The following MRPS10 variants were observed in gnomAD, a reference collection of about 807,000 sequenced individuals.
MRPS10 encodes the protein small ribosomal subunit protein uS10m.
In MRPS10, 23 loss-of-function variants were observed where a neutral mutation model predicts 27.5. That is an observed-to-expected ratio of 0.84 (90% CI 0.60 to 1.18). The LOEUF (loss-of-function observed/expected upper bound fraction) is 1.18, where lower values mean the gene tolerates loss of function less well. Among genes scored for constraint, MRPS10 ranks in the 50% most tolerant of loss-of-function variants. The pLI is 0.00. For missense variants in MRPS10, 237 were observed against 240.1 expected (o/e 0.99, Z 0.09); for synonymous variants, 88 against 84.2 (o/e 1.04, Z -0.25).
chr6:42,217,683 G>A (rs1768980547), intron 1 of MRPS10, 119 bp downstream of exon 1: 2 of 999,532 alleles, frequency 2.0e-6, no homozygotes, highest in Non-Finnish European at 3.0e-6. Flanking sequence ...TCCTGTAAAC[G>A]GCGCGAGGTG....
rs1768650411 is a variant in MRPS10, at chr6:42,207,857, T to C, written c.*432A>G. ...ATATGCCAGCCTGCACAAAGGTAAATAGCAAAAACTTTAACTGCTCAATCT... is the reference window on the plus strand; with the variant it reads ...ATATGCCAGCCTGCACAAAGGTAAACAGCAAAAACTTTAACTGCTCAATCT... On this transcript the variant is annotated 3_prime_UTR_variant, in exon 7 of 7. Coordinates refer to ENST00000053468, the MANE Select transcript of MRPS10 (RefSeq NM_018141.4). 1 of 178,650 alleles carries C rather than the reference T, an allele frequency of 5.6e-6. No homozygotes were observed. Among genetic ancestry groups the C allele is most frequent in the Non-Finnish European group, 1.2e-5 (1 of 86,678 alleles). The allele number at this position is 178,650 out of a possible 1,614,324, so 11.1% of individuals were successfully genotyped here.
At position 42,210,570 on chromosome 6, in the gene MRPS10, C is replaced by T. The variant is rs752286039; in HGVS notation, c.350G>A (p.Arg117Gln). The T allele has an allele frequency of 2.4e-5, 36 of 1,506,462 alleles. No homozygotes were observed. The highest frequency in any genetic ancestry group is 2.3e-4 in the East Asian group (10 of 42,704). The allele number at this position is 1,506,462 out of a possible 1,614,324, so 93.3% of individuals were successfully genotyped here. A position where few individuals can be genotyped will look rare whatever the true frequency, so the allele number is the denominator to read the frequency against. ...ATGCACTGATTGGAGAAGAGTAAAT[C>T]GCTCTATTTTCCTTGGAGGTTCATG... ...KVHEPPRKIE[R>Q]FTLLQSVHIY... Residue 117 changes from arginine (R) to glutamine (Q), a missense_variant, in exon 5 of 7, where the codon CGA becomes CAA. By Grantham distance (43) the Arg-to-Gln change is conservative. This residue lies in a region of MRPS10 where 11 missense variants were observed against 34.2 expected (regional missense o/e 0.32). Transcript: ENST00000053468.
At chr6:42,208,795 A>T in intron 6 of MRPS10, 63 bp downstream of exon 6, 1 of 1,169,726 alleles carries the variant, frequency 8.5e-7, no homozygotes, top group Non-Finnish European at 1.2e-6. Flanking sequence ...CAATGTATCA[A>T]AACAACAATA....
In MRPS10 at chr6:42,210,659, T is replaced by C. The variant is rs1768749468; in HGVS notation, c.324-63A>G. 1.9e-6 allele frequency: 3 copies of C among 1,576,038 alleles called. No individual in the cohort carries two copies. In the African/African-American group the frequency reaches 4.1e-5, roughly 21 times the overall value. On this transcript the variant is annotated intron_variant, in intron 4 of 6. Transcript: ENST00000053468. ...GATAACAAAGCATAATTCCATAATT[T>C]TGTAGGTCAGACTCACACTCAATTA...
At chr6:42,217,224 A>C (rs13201126) in intron 1 of MRPS10, among the ~76,000 whole-genome samples, 8,901 of 152,302 alleles carry the variant, frequency 0.058, 354 homozygotes, top group Admixed American at 0.11. Flanking sequence ...TATAGATAGC[A>C]AAAACCCACA....
At chr6:42,214,435 T>C (rs1768865104) in intron 1 of MRPS10, 91 bp from the exon 2 acceptor site, 1 of 1,008,516 alleles carries the variant, frequency 9.9e-7, no homozygotes, top group African/African-American at 1.6e-5. Context: ...GGTTACCTCA[T>C]TATTTCAGAC....
chr6:42,211,649 G>C (rs4714582), intron 4 of MRPS10, 132 bp downstream of exon 4: 482,135 of 792,990 alleles, frequency 0.61, 153,708 homozygotes, highest in East Asian at 0.83. Context: ...ACTCCAGCCT[G>C]GGCAACAGAG....
chr6:42,214,330 A>C lies in MRPS10; in HGVS notation c.63T>G (p.Phe21Leu). The change falls in exon 2 of 7, where the codon TTT becomes TTG. Residue 21 changes from phenylalanine (F) to leucine (L), a missense_variant. Coordinates refer to ENST00000053468, the MANE Select transcript of MRPS10 (RefSeq NM_018141.4). ...CRRLWQGLGNFSVNTSKGNTA... is the reference protein window; with the variant it reads ...CRRLWQGLGNLSVNTSKGNTA... ...TATTGCCCTTAGAAGTGTTTACAGA[A>C]AAATTCCCCAATCCCTAAAGAAAAA... 6.2e-7 allele frequency: 1 copy of C among 1,610,260 alleles called. No individual in the cohort carries two copies. The highest frequency in any genetic ancestry group is 8.5e-7 in the Non-Finnish European group (1 of 1,177,598).
At chr6:42,217,366 T>C (rs9471808) in intron 1 of MRPS10, among the ~76,000 whole-genome samples, 48,407 of 151,996 alleles carry the variant, frequency 0.32, 10,082 homozygotes, top group African/African-American at 0.6. Flanking sequence ...CTAACCCACT[T>C]CTCTGGCTTG....
At chr6:42,211,644 A>C in intron 4 of MRPS10, 137 bp downstream of exon 4, 38 of 785,764 alleles carry the variant, frequency 4.8e-5, no homozygotes, top group Non-Finnish European at 5.8e-5. Flanking sequence ...ACTGTACTCC[A>C]GCCTGGGCAA....
chr6:42,211,759 G>A, intron 4 of MRPS10, 22 bp downstream of exon 4: 1 of 1,608,038 alleles, frequency 6.2e-7, no homozygotes, highest in Non-Finnish European at 8.5e-7. Context: ...GAACAGGTCG[G>A]GTCAGGAAAG....
rs139604808 is a variant in MRPS10 at position 42,208,056 on chromosome 6, T to C, written c.*233A>G. On this transcript the variant is annotated 3_prime_UTR_variant, in exon 7 of 7. Coordinates refer to ENST00000053468, the MANE Select transcript of MRPS10 (RefSeq NM_018141.4). ...TCACTCTTTCTGCTTTCAGTCAAAG[T>C]GGTTTGCTCATGTTTGCTGAAATCA... 5.9e-6 allele frequency: 3 copies of C among 508,342 alleles called. No individual in the cohort carries two copies. The highest frequency in any genetic ancestry group is 3.7e-5 in the East Asian group (1 of 27,302). The allele number at this position is 508,342 out of a possible 1,614,324, so 31.5% of individuals were successfully genotyped here.
chr6:42,214,683 T>C (rs544850324), intron 1 of MRPS10, among the ~76,000 whole-genome samples: 5 of 152,374 alleles, frequency 3.3e-5, no homozygotes, highest in African/African-American at 1.2e-4. Context: ...AAATTAATTG[T>C]ACTTCAGTAT....
At position 42,208,940 on chromosome 6, in the gene MRPS10, TG is replaced by T; in HGVS notation, c.439del (p.His147IlefsTer2). ...GACATCTGCTGTGCTTCCAGTTAGA[TG>T]TTCTAACTAAAACATCAAACATGAA... ...RTLYRCLELE[H>X]LTGSTADVYL... On this transcript the variant is annotated frameshift_variant, in exon 6 of 7. Coordinates refer to ENST00000053468, the MANE Select transcript of MRPS10 (RefSeq NM_018141.4). LOFTEE classifies it high-confidence loss of function. The T allele has an allele frequency of 6.2e-7, 1 of 1,600,848 alleles. No individual in the cohort carries two copies. The highest frequency in any genetic ancestry group is 1.3e-5 in the African/African-American group (1 of 74,330).
In MRPS10 at chr6:42,207,014, A is replaced by G. The variant is rs1245794320; in HGVS notation, c.*1275T>C. On this transcript the variant is annotated 3_prime_UTR_variant, in exon 7 of 7. Coordinates refer to ENST00000053468, the MANE Select transcript of MRPS10 (RefSeq NM_018141.4). The stretch of plus-strand genomic sequence containing the variant: ...CAAAAGACATGGACCTGCTTCTACT[A>G]TAAAAAGAAAATGAAGCACTTCTCT... The G allele has an allele frequency of 5.3e-5, 8 of 152,316 alleles. No individual in the cohort carries two copies. In the South Asian group the frequency reaches 8.3e-4, roughly 16 times the overall value. The allele number at this position is 152,316 out of a possible 1,614,324, so 9.4% of individuals were successfully genotyped here.
In MRPS10 at chr6:42,208,323, G is replaced by A. The variant is rs1308501481; in HGVS notation, c.572C>T (p.Thr191Ile). Residue 191 changes from threonine to isoleucine, a missense_variant, in exon 7 of 7, where the codon ACA (threonine) becomes ATA (isoleucine). Around this residue, in one of 3 missense-constraint regions of MRPS10, gnomAD observed 62 missense variants for 68.2 expected, o/e 0.91. Transcript: ENST00000053468. The stretch of plus-strand genomic sequence containing the variant: ...GCTTTCTTCTTTTTCTTCTGATAGT[G>A]TTTCCCAGATTGGCTCCTTGATGTG... ...PEHIKEPIWE[T>I]LSEEKEESKS is the part of the protein sequence containing the mutation. The A allele has an allele frequency of 6.2e-7, 1 of 1,612,776 alleles. No homozygotes were observed. The highest frequency in any genetic ancestry group is 1.7e-5 in the Admixed American group (1 of 59,858).
chr6:42,216,025 T>TC (rs2113867693), intron 1 of MRPS10, among the ~76,000 whole-genome samples: 1 of 21,650 alleles, frequency 4.6e-5, no homozygotes, highest in African/African-American at 1.0e-4. Flanking sequence ...TTTTTTCTTT[T>TC]CTTTTTTTTT....
At chr6:42,213,213 C>A (rs548514037) in intron 3 of MRPS10, among the ~76,000 whole-genome samples, 2 of 152,332 alleles carry the variant, frequency 1.3e-5, no homozygotes, top group Admixed American at 1.3e-4. Flanking sequence ...CTTTGGGAGG[C>A]TGAGGCAGGC....
chr6:42,214,672 C>A (rs936035047), intron 1 of MRPS10, among the ~76,000 whole-genome samples: 2 of 152,024 alleles, frequency 1.3e-5, no homozygotes, highest in African/African-American at 4.8e-5. Flanking sequence ...TTATTTTTTA[C>A]AAATTAATTG....
Sources: gnomAD v4.1 joint callset for allele counts (sites outside exome capture counted in the v4.1 genomes callset) on GRCh38, gnomAD v4.1.1 for gene constraint, gnomAD v4.1.1 regional missense constraint, MANE v1.5 for transcripts, NCBI Gene and HGNC (gene_info 2026-07-23, HGNC 2026-07-21) for gene names.